KCP: variants seen among roughly 807,000 people sequenced by gnomAD.
The protein encoded by KCP is kielin/chordin-like protein.
A neutral mutation model predicts 212.7 loss-of-function variants in KCP; 194 were observed. The observed-to-expected ratio is 0.91, with a 90% CI of 0.81 to 1.03. The LOEUF is 1.03. Among genes scored for constraint, KCP ranks in the 50% least tolerant of loss-of-function variants. KCP has a pLI of 0.00. For missense variants in KCP, 2,080 were observed against 2,162.5 expected, an observed-to-expected ratio of 0.96 and a Z score of 0.76; for synonymous variants, 833 against 865.3, an observed-to-expected ratio of 0.96 and a Z score of 0.65.
chr7:128,909,595 C>A (rs920992660), intron 1 of KCP, among the ~76,000 whole-genome samples: 4 of 152,116 alleles, frequency 2.6e-5, no homozygotes, highest in Non-Finnish European at 5.9e-5. Flanking sequence ...ACATCCCCCC[C>A]TTCTCCTCTC....
intron 22 of KCP, 44 bp downstream of exon 22, chr7:128,888,819 C>A (rs192106399): frequency 1.3e-6 from 2 of 1,527,956 alleles, no homozygotes; most frequent in Non-Finnish European, 1.8e-6. Flanking sequence ...AAAGGCACCC[C>A]GGGAGCCCCA....
intron 29 of KCP, among the ~76,000 whole-genome samples, chr7:128,883,328 CG>C (rs1563022947): frequency 6.6e-6 from 1 of 151,748 alleles, no homozygotes; most frequent in African/African-American, 2.4e-5. Flanking sequence ...TTAGTAGAGA[CG>C]GGGTTTCACC....
chr7:128,903,891 C>G, intron 6 of KCP, 71 bp from the exon 7 acceptor site: 1 of 1,338,146 alleles, frequency 7.5e-7, no homozygotes, highest in Admixed American at 2.0e-5. Flanking sequence ...GGGTGTTGGG[C>G]ACCCTCGGAG....
At chr7:128,883,359 C>T (rs1021477469) in intron 29 of KCP, among the ~76,000 whole-genome samples, 28 of 152,064 alleles carry the variant, frequency 1.8e-4, no homozygotes, top group African/African-American at 5.8e-4. Context: ...AGGATGGTCT[C>T]GATCTCTTGA....
rs975318006 is a variant in KCP, at chr7:128,904,060, C to T, written c.650G>A (p.Cys217Tyr). The change falls in exon 6 of 40, where the codon TGC becomes TAC. Residue 217 changes from cysteine to tyrosine, a missense_variant. Transcript: ENST00000610776. ...SSSNPCLQCTCLRSRVRCMAL... is the reference protein window; with the variant it reads ...SSSNPCLQCTYLRSRVRCMAL... ...AGAGGGGACAGGTGGACTCACCAGG[C>T]AGGTGCACTGTAGACAAGGGTTGGA... is the stretch of plus-strand genomic sequence containing the variant. 1 of 1,551,296 alleles carries T rather than the reference C, an allele frequency of 6.4e-7. No individual in the cohort carries two copies. The highest frequency in any genetic ancestry group is 1.4e-5 in the African/African-American group (1 of 72,956).
Position 128,876,986 on chromosome 7 carries a change from C to A in KCP, c.*57G>T. ...TCCATAGCCCTAACCAGGGTGGGAA[C>A]TGCTCGCCAAGGGGAGACTCCTGGC... On this transcript the variant is annotated 3_prime_UTR_variant, in exon 40 of 40. Transcript: ENST00000610776. The A allele has an allele frequency of 6.6e-7, 1 of 1,521,160 alleles. No individual in the cohort carries two copies. Among genetic ancestry groups the A allele is most frequent in the Non-Finnish European group, 8.8e-7 (1 of 1,138,178 alleles). The allele number at this position is 1,521,160 out of a possible 1,614,324, so 94.2% of individuals were successfully genotyped here. A position where few individuals can be genotyped will look rare whatever the true frequency, so the allele number is the denominator to read the frequency against.
At chr7:128,877,453 C>G in intron 39 of KCP, 31 bp downstream of exon 39, 1 of 1,548,774 alleles carries the variant, frequency 6.5e-7, no homozygotes, top group Non-Finnish European at 8.7e-7. Flanking sequence ...GCTGAGCCTC[C>G]CCCAACCTGC....
In KCP at chr7:128,884,184, CG is replaced by C. The variant is rs1440988184; in HGVS notation, c.3124-63del. 34 of 1,494,918 alleles carry C rather than the reference CG, an allele frequency of 2.3e-5. No homozygotes were observed. In the Admixed American group the frequency reaches 4.1e-4, roughly 18 times the overall value. 92.6% of individuals were successfully genotyped at this position (1,494,918 alleles called of 1,614,324 possible). A position where few individuals can be genotyped will look rare whatever the true frequency, so the allele number is the denominator to read the frequency against. On this transcript the variant is annotated intron_variant, in intron 28 of 39. Transcript: ENST00000610776. ...ACAAAAACCCAGAGCTGCCCTTGGCCGGGACTTCCGGCCCCTCCCTCTGCCT... is the reference window on the plus strand; with the variant it reads ...ACAAAAACCCAGAGCTGCCCTTGGCCGGACTTCCGGCCCCTCCCTCTGCCT...
At chr7:128,901,581 A>G (rs1794847139) in intron 8 of KCP, among the ~76,000 whole-genome samples, 1 of 152,006 alleles carries the variant, frequency 6.6e-6, no homozygotes, top group Admixed American at 6.6e-5. Flanking sequence ...AGCCAAGATC[A>G]CGCCACTGCA....
Position 128,890,389 on chromosome 7 carries a change from T to A in KCP, c.2289A>T (p.Ala763=), listed in dbSNP as rs1490717247. ...VSCEPKACAP[A]LCPFPARGDC... The stretch of plus-strand genomic sequence containing the variant: ...CGCCCCTGGCAGGGAAGGGGCACAG[T>A]GCAGGGGCACATGCCTTGGGCTCGC... The change falls in exon 21 of 40, where the codon GCA becomes GCT. Residue 763 remains alanine (A), a synonymous_variant. Coordinates refer to ENST00000610776, the MANE Select transcript of KCP (RefSeq NM_001366122.1). 1.3e-6 allele frequency: 2 copies of A among 1,551,202 alleles called. No homozygotes were observed. The highest frequency in any genetic ancestry group is 2.4e-5 in the East Asian group (1 of 40,916).
Position 128,877,525 on chromosome 7 carries a change from T to C in KCP, c.4577A>G (p.Gln1526Arg). ...ALEAYASHCR[Q>R]AGVTPTWRGP... ...TCGCCAGGTAGGTGTCACTCCTGCC[T>C]GGCGACAGTGACTGGCGTAGGCTTC... Residue 1526 changes from glutamine to arginine, a missense_variant, in exon 39 of 40, where the codon CAG becomes CGG. By Grantham distance (43) the Gln-to-Arg change is conservative. Transcript: ENST00000610776. 6.4e-7 allele frequency: 1 copy of C among 1,551,334 alleles called. No individual in the cohort carries two copies.
At chr7:128,897,772 G>A (rs1794614756) in intron 8 of KCP, among the ~76,000 whole-genome samples, 1 of 152,126 alleles carries the variant, frequency 6.6e-6, no homozygotes, top group Non-Finnish European at 1.5e-5. Context: ...TAAGGCCTGG[G>A]GACATGTGGA....
intron 8 of KCP, among the ~76,000 whole-genome samples, chr7:128,898,030 T>C (rs1794630673): frequency 6.6e-6 from 1 of 152,180 alleles, no homozygotes; most frequent in African/African-American, 2.4e-5. Flanking sequence ...GCCTCCTAAA[T>C]GTGTCATAAA....
intron 21 of KCP, 53 bp from the exon 22 acceptor site, chr7:128,889,092 G>A: frequency 1.4e-6 from 2 of 1,382,272 alleles, no homozygotes; most frequent in Non-Finnish European, 1.9e-6. Flanking sequence ...GGGATGAGAG[G>A]GCAGTGGTCA....
chr7:128,887,886 T>C (rs1291679447), intron 22 of KCP, among the ~76,000 whole-genome samples: 1 of 107,604 alleles, frequency 9.3e-6, no homozygotes, highest in Non-Finnish European at 1.9e-5. Context: ...AACATACACA[T>C]AGCCACGCAC....
rs1232052931 is a variant in KCP, at chr7:128,892,901, G to A, written c.1388C>T (p.Pro463Leu). The A allele has an allele frequency of 1.3e-6, 2 of 1,543,240 alleles. No individual in the cohort carries two copies. The highest frequency in any genetic ancestry group is 1.8e-6 in the Non-Finnish European group (2 of 1,139,962). The change falls in exon 14 of 40, where the codon CCA (proline) becomes CTA (leucine). Residue 463 changes from proline (P) to leucine (L), a missense_variant. Pro to Leu is a moderately conservative substitution (Grantham distance 98). Transcript: ENST00000610776. ...CTGGGTGGGGTGCTGGCAGGGGGCT[G>A]GGGGGCAGAGCACAGCCCCGCACTT... ...VPKCGAVLCPPAPCQHPTQPP... is the reference protein window; with the variant it reads ...VPKCGAVLCPLAPCQHPTQPP...
intron 2 of KCP, among the ~76,000 whole-genome samples, chr7:128,907,667 C>A (rs577561549): frequency 4.6e-5 from 7 of 152,322 alleles, no homozygotes; most frequent in Admixed American, 2.0e-4. Context: ...GGGGACCCAA[C>A]CCTTGCCCCA....
intron 34 of KCP, 102 bp downstream of exon 34, chr7:128,880,284 G>A (rs2128944333): frequency 7.1e-7 from 1 of 1,399,770 alleles, no homozygotes; most frequent in Non-Finnish European, 9.5e-7. Flanking sequence ...CCAGCTGGCG[G>A]CAGGAGCCCA....
At chr7:128,903,410 T>G in intron 7 of KCP, 1 of 410,386 alleles carries the variant, frequency 2.4e-6, no homozygotes, top group East Asian at 4.7e-5. Flanking sequence ...CATTAGTGTA[T>G]GACTCAGTGT....
Sources: gnomAD v4.1 joint callset for allele counts (sites outside exome capture counted in the v4.1 genomes callset) on GRCh38, gnomAD v4.1.1 for gene constraint, MANE v1.5 for transcripts, NCBI Gene and HGNC (gene_info 2026-07-23, HGNC 2026-07-21) for gene names.